Variants in DYRK1A observed in about 807,000 individuals in gnomAD.
DYRK1A encodes the protein dual specificity tyrosine phosphorylation regulated kinase 1A, also known as dual specificity tyrosine-phosphorylation-regulated kinase 1A.
Under a neutral mutation model 79.7 loss-of-function variants are expected in DYRK1A, and 9 were observed. The observed-to-expected ratio is 0.11, with a 90% CI of 0.07 to 0.20. The LOEUF is 0.20. Among genes scored for constraint, DYRK1A ranks in the 10% least tolerant of loss-of-function variants. The pLI, the probability that DYRK1A is intolerant of heterozygous loss-of-function variation, is 1.00. For synonymous variants in DYRK1A, 349 were observed against 329.7 expected (o/e 1.06, Z -0.63); for missense variants, 622 against 956.0 (o/e 0.65, Z 4.61).
At chr21:37,437,080 G>T (rs139573974) in intron 2 of DYRK1A, among the ~76,000 whole-genome samples, 4 of 152,320 alleles carry the variant, frequency 2.6e-5, no homozygotes, top group Middle Eastern at 3.4e-3. Flanking sequence ...ACCAGTTGAA[G>T]ATGGGGGCCT....
At chr21:37,497,663 T>C (rs2053313913) in intron 9 of DYRK1A, among the ~76,000 whole-genome samples, 1 of 152,230 alleles carries the variant, frequency 6.6e-6, no homozygotes, top group South Asian at 2.1e-4. Context: ...CTATTTTTTT[T>C]CCTCAATAAA....
intron 1 of DYRK1A, among the ~76,000 whole-genome samples, chr21:37,411,683 A>T (rs1383102300): frequency 6.6e-6 from 1 of 152,218 alleles, no homozygotes; most frequent in African/African-American, 2.4e-5. Context: ...AGAAAATTCC[A>T]GGGTAACAAT....
chr21:37,418,945 AGT>A (rs2050410881), intron 1 of DYRK1A: 1 of 152,190 alleles, frequency 6.6e-6, no homozygotes, highest in South Asian at 2.1e-4. Context: ...TTTCCAGTGA[AGT>A]GTTTAGTATT....
chr21:37,384,817 T>C (rs1387477021), intron 1 of DYRK1A, among the ~76,000 whole-genome samples: 1 of 152,126 alleles, frequency 6.6e-6, no homozygotes, highest in Non-Finnish European at 1.5e-5. Context: ...ATCAAACTTT[T>C]AGCAGCAAAA....
intron 1 of DYRK1A, among the ~76,000 whole-genome samples, chr21:37,383,832 G>GGTGT (rs534518893): frequency 0.048 from 5,585 of 115,496 alleles, 121 homozygotes; most frequent in Middle Eastern, 0.11. Flanking sequence ...GATAGGTAAT[G>GGTGT]GTGTATGTGT....
intron 1 of DYRK1A, among the ~76,000 whole-genome samples, chr21:37,394,109 T>A (rs1290834770): frequency 6.6e-6 from 1 of 152,118 alleles, no homozygotes; most frequent in Non-Finnish European, 1.5e-5. Context: ...ATGAACCAAG[T>A]CTCTTTCTGA....
Position 37,367,062 on chromosome 21 carries a change from G to A in DYRK1A, c.-643G>A. ...GCTGCCGCCGCCGGCGAGCAGGCGGGACCGGTGTGAGTGCGAGTGTGTGTG... is the reference window on the plus strand; with the variant it reads ...GCTGCCGCCGCCGGCGAGCAGGCGGAACCGGTGTGAGTGCGAGTGTGTGTG... On this transcript the variant is annotated 5_prime_UTR_variant, in exon 1 of 12. Transcript: ENST00000647188. 6.3e-6 allele frequency: 1 copy of A among 159,654 alleles called. No homozygotes were observed. Among genetic ancestry groups the A allele is most frequent in the Non-Finnish European group, 1.4e-5 (1 of 72,570 alleles). 9.9% of individuals were successfully genotyped at this position (159,654 alleles called of 1,614,324 possible). A position where few individuals can be genotyped will look rare whatever the true frequency, so the allele number is the denominator to read the frequency against.
At chr21:37,393,859 T>C (rs1414924092) in intron 1 of DYRK1A, among the ~76,000 whole-genome samples, 2 of 152,254 alleles carry the variant, frequency 1.3e-5, no homozygotes, top group Admixed American at 1.3e-4. Flanking sequence ...CCTTTCCACC[T>C]GGCACACTTG....
chr21:37,435,731 A>G (rs139014780), intron 2 of DYRK1A, among the ~76,000 whole-genome samples: 6 of 152,298 alleles, frequency 3.9e-5, no homozygotes, highest in South Asian at 4.1e-4. Flanking sequence ...TTGACCTTTT[A>G]TAAAGATACA....
chr21:37,451,380 C>T (rs1487717461), intron 2 of DYRK1A, among the ~76,000 whole-genome samples: 1 of 135,800 alleles, frequency 7.4e-6, no homozygotes, highest in African/African-American at 2.6e-5. Flanking sequence ...CTCCATCCCT[C>T]CCCCACCCAT....
At position 37,517,897 on chromosome 21, in the gene DYRK1A, ACTT is replaced by A. The variant is rs2053897054; in HGVS notation, c.*5370_*5372del. On this transcript the variant is annotated 3_prime_UTR_variant, in exon 12 of 12. Coordinates refer to ENST00000647188, the MANE Select transcript of DYRK1A (RefSeq NM_001347721.2). Reference sequence around the variant, plus strand: ...AAACGGCTAAGTTTTTTTTAATGTTACTTCTTTAATTTTAGAGACGGTGTCTGG... The same window carrying A: ...AAACGGCTAAGTTTTTTTTAATGTTACTTTAATTTTAGAGACGGTGTCTGG... 1 of 152,080 alleles carries A rather than the reference ACTT, an allele frequency of 6.6e-6. No individual in the cohort carries two copies. The highest frequency in any genetic ancestry group is 1.5e-5 in the Non-Finnish European group (1 of 68,022). 9.4% of individuals were successfully genotyped at this position (152,080 alleles called of 1,614,324 possible).
intron 1 of DYRK1A, chr21:37,419,462 C>G (rs1167862821): frequency 6.6e-6 from 1 of 152,288 alleles, no homozygotes; most frequent in East Asian, 1.9e-4. Flanking sequence ...CCAGGAACAT[C>G]TCTTGGAGTC....
intron 3 of DYRK1A, among the ~76,000 whole-genome samples, chr21:37,473,764 G>A (rs2052306047): frequency 6.6e-6 from 1 of 152,160 alleles, no homozygotes; most frequent in Non-Finnish European, 1.5e-5. Flanking sequence ...CTGACATAAT[G>A]TTTAAAATAT....
chr21:37,468,708 A>T (rs145577217), intron 2 of DYRK1A, among the ~76,000 whole-genome samples: 120 of 152,250 alleles, frequency 7.9e-4, no homozygotes, highest in African/African-American at 2.7e-3. Flanking sequence ...CAGAAGTCAA[A>T]TGCAAATGGA....
rs2053901055 is a variant in DYRK1A at position 37,518,285 on chromosome 21, G to A, written c.*5754G>A. The stretch of plus-strand genomic sequence containing the variant: ...TGCTGAAGAGGTGATGCCACGAGGT[G>A]GGGAGGAGCTCACTTCAGGCACCAC... On this transcript the variant is annotated 3_prime_UTR_variant, in exon 12 of 12. Transcript: ENST00000647188. The A allele has an allele frequency of 6.6e-6, 1 of 152,244 alleles. No individual in the cohort carries two copies. Among genetic ancestry groups the A allele is most frequent in the Non-Finnish European group, 1.5e-5 (1 of 68,064 alleles). The allele number at this position is 152,244 out of a possible 1,614,324, so 9.4% of individuals were successfully genotyped here. A position where few individuals can be genotyped will look rare whatever the true frequency, so the allele number is the denominator to read the frequency against.
chr21:37,487,772 A>T (rs1324177405), intron 6 of DYRK1A: 1 of 152,136 alleles, frequency 6.6e-6, no homozygotes, highest in Non-Finnish European at 1.5e-5. Flanking sequence ...ATATAAAATG[A>T]GTTTCTATTA....
intron 2 of DYRK1A, among the ~76,000 whole-genome samples, chr21:37,451,765 T>C (rs2051460904): frequency 6.6e-6 from 1 of 152,202 alleles, no homozygotes; most frequent in South Asian, 2.1e-4. Flanking sequence ...TCTTAGAACA[T>C]ATCCTCATGG....
intron 2 of DYRK1A, chr21:37,430,458 G>C (rs915949044): frequency 1.0e-6 from 1 of 970,806 alleles, no homozygotes; most frequent in African/African-American, 1.8e-5. Flanking sequence ...CTTGCACTAG[G>C]ATAGTTTTTA....
intron 6 of DYRK1A, chr21:37,487,213 G>T (rs1357293672): frequency 6.6e-6 from 1 of 152,070 alleles, no homozygotes; most frequent in Non-Finnish European, 1.5e-5. Context: ...TTAAGTTATG[G>T]TTGGTTTGTA....
Sources: allele counts gnomAD v4.1 joint callset (sites outside exome capture counted in the v4.1 genomes callset), GRCh38; gene constraint gnomAD v4.1.1; transcripts MANE v1.5; gene names NCBI Gene and HGNC (gene_info 2026-07-23, HGNC 2026-07-21).